ZNF91: variants seen among roughly 807,000 people sequenced by gnomAD.
The protein encoded by ZNF91 is zinc finger protein 91.
A neutral mutation model predicts 12.6 loss-of-function variants in ZNF91; 7 were observed. The ratio of observed to expected loss-of-function variants is 0.55; its 90% CI spans 0.31 to 1.04. ZNF91 has a LOEUF of 1.04. ZNF91 is among the 50% of genes least tolerant of loss of function. ZNF91 has a pLI of 0.05. For synonymous variants in ZNF91, 453 were observed against 462.6 expected, an observed-to-expected ratio of 0.98 and a Z score of 0.27; for missense variants, 1,217 against 1,385.4, an observed-to-expected ratio of 0.88 and a Z score of 1.93.
chr19:23,387,184 T>C (rs776463064), intron 1 of ZNF91, among the ~76,000 whole-genome samples: 7 of 152,264 alleles, frequency 4.6e-5, no homozygotes, highest in Non-Finnish European at 8.8e-5. Flanking sequence ...TACTTATACA[T>C]TGCTGTTAAC....
At chr19:23,364,417 C>G (rs1020985976) in intron 3 of ZNF91, among the ~76,000 whole-genome samples, 2 of 152,026 alleles carry the variant, frequency 1.3e-5, no homozygotes, top group Non-Finnish European at 2.9e-5. Flanking sequence ...TGCACTCCAG[C>G]CTGGGCAACA....
At chr19:23,383,737 G>A (rs1206996097) in intron 1 of ZNF91, among the ~76,000 whole-genome samples, 1 of 151,658 alleles carries the variant, frequency 6.6e-6, no homozygotes, top group Non-Finnish European at 1.5e-5. Flanking sequence ...CTGGCAAAAG[G>A]CAAAAGATGC....
intron 1 of ZNF91, among the ~76,000 whole-genome samples, chr19:23,322,888 C>G (rs747556291): frequency 2.1e-3 from 29 of 13,498 alleles, no homozygotes; most frequent in African/African-American, 0.011. Flanking sequence ...CCCACCTCCT[C>G]CTCCACTTCT....
chr19:23,354,644 T>G (rs527911307), downstream of ZNF91, among the ~76,000 whole-genome samples: 10 of 152,200 alleles, frequency 6.6e-5, no homozygotes, highest in African/African-American at 2.4e-4. Context: ...GAGAAAGAAA[T>G]GAAGGGCATC....
intron 1 of ZNF91, among the ~76,000 whole-genome samples, chr19:23,316,144 G>T: frequency 6.6e-6 from 1 of 150,872 alleles, no homozygotes; most frequent in Non-Finnish European, 1.5e-5. Flanking sequence ...CATATCACTT[G>T]ACCCAGCATC....
intron 3 of ZNF91, among the ~76,000 whole-genome samples, chr19:23,348,733 G>C (rs1968294017): frequency 6.6e-6 from 1 of 152,152 alleles, no homozygotes; most frequent in Non-Finnish European, 1.5e-5. Flanking sequence ...AGGTCTGACT[G>C]CCTTATGGTT....
At chr19:23,357,558 T>C (rs1409896912), downstream of ZNF91, 1 of 152,196 alleles carries the variant, frequency 6.6e-6, no homozygotes, top group Non-Finnish European at 1.5e-5. Flanking sequence ...CTAAGATTCA[T>C]CTTAGACTAA....
intron 3 of ZNF91, among the ~76,000 whole-genome samples, chr19:23,364,449 A>G (rs1181891285): frequency 6.7e-6 from 1 of 150,232 alleles, no homozygotes; most frequent in Non-Finnish European, 1.5e-5. Context: ...CCATCTCAAG[A>G]AAAAAAAAAT....
intron 3 of ZNF91, among the ~76,000 whole-genome samples, chr19:23,370,048 CTTATA>C (rs925534944): frequency 3.5e-5 from 5 of 142,474 alleles, no homozygotes; most frequent in Non-Finnish European, 6.1e-5. Context: ...ACAAACAAAA[CTTATA>C]TTGATTGTTG....
rs891158809 is a variant in ZNF91 at position 23,395,437 on chromosome 19, G to A, written c.-83C>T. 34 of 1,535,018 alleles carry A rather than the reference G, an allele frequency of 2.2e-5. No homozygotes were observed. Among genetic ancestry groups the A allele is most frequent in the South Asian group, 5.8e-5 (5 of 86,598 alleles). On this transcript the variant is annotated 5_prime_UTR_variant, in exon 1 of 4. Transcript: ENST00000300619. ...GGAGCAGAGGACACAGAGCAGTGAAGTCGAGACCTGGAAACTCCGGCGGCA... is the reference window on the plus strand; with the variant it reads ...GGAGCAGAGGACACAGAGCAGTGAAATCGAGACCTGGAAACTCCGGCGGCA...
At chr19:23,315,132 G>A (rs562565755), upstream of ZNF91, among the ~76,000 whole-genome samples, 1 of 152,310 alleles carries the variant, frequency 6.6e-6, no homozygotes, top group Non-Finnish European at 1.5e-5. Context: ...AAAGCAGGTG[G>A]TGTAACTCTC....
intron 3 of ZNF91, among the ~76,000 whole-genome samples, chr19:23,349,798 A>G (rs1189728792): frequency 2.0e-5 from 3 of 152,062 alleles, no homozygotes; most frequent in Non-Finnish European, 4.4e-5. Flanking sequence ...CGTGGGCAAC[A>G]CTCTCGGAGT....
chr19:23,308,800 C>T (rs1242875092), intron 2 of ZNF91: 1 of 152,124 alleles, frequency 6.6e-6, no homozygotes, highest in Non-Finnish European at 1.5e-5. Context: ...CTCTCTTTTC[C>T]TGGGCCCTCT....
At chr19:23,366,222 G>T (rs946754860) in intron 3 of ZNF91, among the ~76,000 whole-genome samples, 25 of 151,664 alleles carry the variant, frequency 1.6e-4, no homozygotes, top group African/African-American at 6.0e-4. Flanking sequence ...CCTCCCAGAT[G>T]GGGCGGCTGG....
At chr19:23,342,311 T>A in intron 3 of ZNF91, 1 of 411,372 alleles carries the variant, frequency 2.4e-6, no homozygotes, top group East Asian at 3.3e-5. Context: ...ATCCTCCAGT[T>A]ACCAACCTAG....
In ZNF91 at chr19:23,375,983, T is replaced by C. The variant is rs561321067; in HGVS notation, c.31-1219A>G. Among the ~76,000 whole-genome samples, 5 of 152,324 alleles carry C rather than the reference T, an allele frequency of 3.3e-5. No individual in the cohort carries two copies. The East Asian group carries it at 7.7e-4, about 23-fold the overall frequency. ...GCATGGAAAGTTCAAGGTACAGGTA[T>C]CTTCCGTGTTCTACAATTTTTAATA... On this transcript the variant is annotated intron_variant, in intron 1 of 3. Transcript: ENST00000300619.
chr19:23,366,591 G>T (rs369468824), intron 3 of ZNF91, among the ~76,000 whole-genome samples: 2 of 152,154 alleles, frequency 1.3e-5, no homozygotes, highest in African/African-American at 4.8e-5. Context: ...TCTGCTTCTG[G>T]TGAGAGTGTC....
chr19:23,355,891 A>G (rs1432813375), downstream of ZNF91, among the ~76,000 whole-genome samples: 3 of 152,208 alleles, frequency 2.0e-5, no homozygotes, highest in African/African-American at 7.2e-5. Context: ...CAACAAACAT[A>G]TAAAAAATGG....
Position 23,362,596 on chromosome 19 carries a change from C to T in ZNF91, c.383G>A (p.Ser128Asn). The T allele has an allele frequency of 6.3e-7, 1 of 1,596,582 alleles. No homozygotes were observed. The highest frequency in any genetic ancestry group is 8.5e-7 in the Non-Finnish European group (1 of 1,174,734). Residue 128 changes from serine (S) to asparagine (N), a missense_variant, in exon 4 of 4, where the codon AGT becomes AAT. Physicochemically the swap from Ser to Asn is conservative, Grantham distance 46 (BLOSUM62 1). Transcript: ENST00000300619. ...ENLQLRKGCK[S>N]VDECKVHKEG... ...TTTGTGCACCTTACACTCATCCACA[C>T]TTTTACAACCTTTTCTTAACTGTAA...
Sources: gnomAD v4.1 joint callset for allele counts (sites outside exome capture counted in the v4.1 genomes callset) on GRCh38, gnomAD v4.1.1 for gene constraint, MANE v1.5 for transcripts, NCBI Gene and HGNC (gene_info 2026-07-23, HGNC 2026-07-21) for gene names.